Variants in GOSR2 observed in about 807,000 individuals in gnomAD.
The protein encoded by GOSR2 is 27 kDa Golgi SNARE protein.
A neutral mutation model predicts 27.9 loss-of-function variants in GOSR2; 20 were observed. The observed-to-expected ratio is 0.72, with a 90% CI of 0.50 to 1.04. The LOEUF (loss-of-function observed/expected upper bound fraction) is 1.04, where lower values mean the gene tolerates loss of function less well. Ranked by LOEUF, GOSR2 falls within the 50% of genes least tolerant of loss-of-function variation. The pLI, the probability that GOSR2 is intolerant of heterozygous loss-of-function variation, is 0.00. For synonymous variants in GOSR2, 91 were observed against 98.8 expected, an observed-to-expected ratio of 0.92 and a Z score of 0.47; for missense variants, 261 against 270.5, an observed-to-expected ratio of 0.97 and a Z score of 0.25.
intron 6 of GOSR2, among the ~76,000 whole-genome samples, chr17:46,962,726 A>G (rs2091135109): frequency 6.6e-6 from 1 of 152,212 alleles, no homozygotes; most frequent in African/African-American, 2.4e-5. Context: ...AAGTCCTTGA[A>G]GGTTGCAGTT....
chr17:46,928,120 A>G (rs910353588), intron 1 of GOSR2, among the ~76,000 whole-genome samples: 3 of 151,974 alleles, frequency 2.0e-5, no homozygotes, highest in Non-Finnish European at 4.4e-5. Flanking sequence ...TACTTTCCGG[A>G]AGCAACGGCC....
chr17:46,933,958 C>T (rs867912705), intron 4 of GOSR2, among the ~76,000 whole-genome samples: 31 of 148,002 alleles, frequency 2.1e-4, no homozygotes, highest in Non-Finnish European at 1.5e-4. Context: ...AAAAAAAACA[C>T]GAAACAAACC....
At chr17:46,957,625 CA>C (rs1327946241) in intron 6 of GOSR2, among the ~76,000 whole-genome samples, 1 of 152,052 alleles carries the variant, frequency 6.6e-6, no homozygotes, top group African/African-American at 2.4e-5. Flanking sequence ...AACAAACAAA[CA>C]AACAAACAAA....
rs1045072046 is a variant in GOSR2, at chr17:46,941,032, C to T, written c.*2272C>T. The T allele has an allele frequency of 1.8e-6, 2 of 1,088,036 alleles. No individual in the cohort carries two copies. The highest frequency in any genetic ancestry group is 2.8e-5 in the South Asian group (1 of 35,524). The allele number at this position is 1,088,036 out of a possible 1,614,324, so 67.4% of individuals were successfully genotyped here. A position where few individuals can be genotyped will look rare whatever the true frequency, so the allele number is the denominator to read the frequency against. ...TGGAGGCGGGGGTGAATTCTTAGGT[C>T]GAGCTGATGCAAGAAACTCCGGTAG... On this transcript the variant is annotated 3_prime_UTR_variant, in exon 6 of 6. Transcript: ENST00000640051.
chr17:46,931,203 A>G lies in GOSR2; in HGVS notation c.199A>G (p.Arg67Gly). The change falls in exon 3 of 6, where the codon AGA becomes GGA. Residue 67 changes from arginine (R) to glycine (G), a missense_variant. By Grantham distance (125) the Arg-to-Gly change is moderately radical (BLOSUM62 -2). Coordinates refer to ENST00000640051, the MANE Select transcript of GOSR2 (RefSeq NM_004287.5). ...KEPPNKRQNA[R>G]LRVDQLKYDV... ...GCCCCCTAACAAAAGGCAAAATGCC[A>G]GACTGTAAGTGCTGACCTCTGACAT... 6.9e-7 allele frequency: 1 copy of G among 1,452,340 alleles called. No homozygotes were observed. The highest frequency in any genetic ancestry group is 9.7e-7 in the Non-Finnish European group (1 of 1,032,296). The allele number at this position is 1,452,340 out of a possible 1,614,324, so 90.0% of individuals were successfully genotyped here. A position where few individuals can be genotyped will look rare whatever the true frequency, so the allele number is the denominator to read the frequency against.
chr17:46,966,684 T>G (rs2091334421), exon 7 of GOSR2: 1 of 527,214 alleles, frequency 1.9e-6, no homozygotes, highest in Non-Finnish European at 3.4e-6. Context: ...GGATTTGAAC[T>G]CTGGTTCTAT....
chr17:46,962,521 C>G (rs1030954562), intron 6 of GOSR2, among the ~76,000 whole-genome samples: 1 of 152,136 alleles, frequency 6.6e-6, no homozygotes, highest in Admixed American at 6.5e-5. Context: ...TTATTGAGGT[C>G]TGGAAACTGC....
chr17:46,936,815 G>C, intron 5 of GOSR2: 8 of 984,722 alleles, frequency 8.1e-6, no homozygotes, highest in Non-Finnish European at 9.6e-6. Context: ...TCTGATCTCT[G>C]ATGGCAATGA....
intron 6 of GOSR2, among the ~76,000 whole-genome samples, chr17:46,950,383 G>A (rs768222218): frequency 6.6e-6 from 1 of 152,190 alleles, no homozygotes; most frequent in Non-Finnish European, 1.5e-5. Context: ...GAGAAGGGGA[G>A]GGAAAAGAAG....
chr17:46,952,722 G>C (rs1032735298), intron 6 of GOSR2: 2 of 152,166 alleles, frequency 1.3e-5, no homozygotes, highest in Non-Finnish European at 2.9e-5. Context: ...CAGAGAGAGA[G>C]ACAGAGAAAG....
chr17:46,952,380 C>T (rs2090425559), intron 6 of GOSR2, among the ~76,000 whole-genome samples: 1 of 152,200 alleles, frequency 6.6e-6, no homozygotes, highest in Non-Finnish European at 1.5e-5. Context: ...CTGGAATTCC[C>T]ATAGACACTG....
At chr17:46,970,518 C>T (rs976655900), downstream of GOSR2, among the ~76,000 whole-genome samples, 11 of 125,888 alleles carry the variant, frequency 8.7e-5, no homozygotes, top group South Asian at 2.8e-4. Context: ...CTAGCCCAGG[C>T]GACACAGACT....
intron 6 of GOSR2, chr17:46,964,972 T>C (rs2091245031): frequency 6.6e-6 from 1 of 152,264 alleles, no homozygotes; most frequent in Non-Finnish European, 1.5e-5. Flanking sequence ...AGAAACAATT[T>C]AGTTACCATG....
intron 6 of GOSR2, among the ~76,000 whole-genome samples, chr17:46,949,845 C>T (rs1316123682): frequency 6.6e-6 from 1 of 152,180 alleles, no homozygotes; most frequent in Non-Finnish European, 1.5e-5. Context: ...GATTCTGTGG[C>T]TGGAGCTCAG....
chr17:46,966,595 T>G, exon 7 of GOSR2: 2 of 689,912 alleles, frequency 2.9e-6, no homozygotes, highest in Non-Finnish European at 5.3e-6. Context: ...GAGATCCTCC[T>G]GCATCAGCCT....
downstream of GOSR2, among the ~76,000 whole-genome samples, chr17:46,945,739 G>T (rs905691543): frequency 6.6e-6 from 1 of 152,144 alleles, no homozygotes; most frequent in African/African-American, 2.4e-5. Context: ...TGTGCCCCAG[G>T]CATGTGCAGG....
intron 6 of GOSR2, chr17:46,955,596 C>T (rs2090657708): frequency 6.6e-6 from 1 of 152,170 alleles, no homozygotes. Flanking sequence ...CATTAATTCC[C>T]TATGGAGATC....
Position 46,932,048 on chromosome 17 carries a change from C to T in GOSR2, c.204-19C>T, listed in dbSNP as rs757773407. On this transcript the variant is annotated intron_variant, in intron 3 of 5. Coordinates refer to ENST00000640051, the MANE Select transcript of GOSR2 (RefSeq NM_004287.5). ...GCCCTGAGTTCCTGGAATTTAATCT[C>T]TCTCTCCATCAATTCCAGTCGGGTT... 1 of 1,611,470 alleles carries T rather than the reference C, an allele frequency of 6.2e-7. No individual in the cohort carries two copies. The highest frequency in any genetic ancestry group is 1.1e-5 in the South Asian group (1 of 91,036).
rs968848300 is a variant in GOSR2 at position 46,941,288 on chromosome 17, T to A, written c.*2528T>A. 11 of 985,756 alleles carry A rather than the reference T, an allele frequency of 1.1e-5. No individual in the cohort carries two copies. Among genetic ancestry groups the A allele is most frequent in the Non-Finnish European group, 1.3e-5 (11 of 830,252 alleles). The allele number at this position is 985,756 out of a possible 1,614,324, so 61.1% of individuals were successfully genotyped here. On this transcript the variant is annotated 3_prime_UTR_variant, in exon 6 of 6. Transcript: ENST00000640051. ...CCTGATGAATTTGAATGGGTTTGAT[T>A]TGCAAATTTGGATTTACACCCATTG... is the stretch of plus-strand genomic sequence containing the variant.
Sources: allele counts gnomAD v4.1 joint callset (sites outside exome capture counted in the v4.1 genomes callset), GRCh38; gene constraint gnomAD v4.1.1; transcripts MANE v1.5; gene names NCBI Gene and HGNC (gene_info 2026-07-23, HGNC 2026-07-21).